The following WASHC2C variants were observed in gnomAD, a reference collection of about 807,000 sequenced individuals.
WASHC2C encodes WASH complex subunit 2C, also known as Vaccinia Penetration Factor.
Under a neutral mutation model 142.2 loss-of-function variants are expected in WASHC2C, and 73 were observed. The ratio of observed to expected loss-of-function variants is 0.51; its 90% CI spans 0.43 to 0.62. The LOEUF is 0.62. WASHC2C is among the 20% of genes least tolerant of loss of function. The probability of loss-of-function intolerance (pLI) is 0.00; values close to 1 mark genes in which losing one functional copy is unlikely to be tolerated. For missense variants in WASHC2C, 969 were observed against 1,531.7 expected, an observed-to-expected ratio of 0.63 and a Z score of 6.13; for synonymous variants, 337 against 565.5, an observed-to-expected ratio of 0.60 and a Z score of 5.73.
chr10:45,731,839 G>C (rs1448424135), intron 3 of WASHC2C, among the ~76,000 whole-genome samples: 4 of 130,944 alleles, frequency 3.1e-5, no homozygotes, highest in Non-Finnish European at 1.5e-5. Flanking sequence ...CTGTCGCCCA[G>C]GCTGGAGTGC....
chr10:45,739,176 C>G (rs1377199907), intron 4 of WASHC2C, among the ~76,000 whole-genome samples: 7 of 151,028 alleles, frequency 4.6e-5, no homozygotes, highest in African/African-American at 1.5e-4. Context: ...ACAATATTAG[C>G]TATTTAACTC....
chr10:45,789,300 C>T lies in WASHC2C; in HGVS notation c.3517C>T (p.Pro1173Ser). 6.2e-7 allele frequency: 1 copy of T among 1,612,044 alleles called. No homozygotes were observed. The highest frequency in any genetic ancestry group is 8.5e-7 in the Non-Finnish European group (1 of 1,179,858). ...VGGKAKSPMF[P>S]ALGEASSDDD... The stretch of plus-strand genomic sequence containing the variant: ...TGGTAAAGCAAAGAGCCCCATGTTT[C>T]CTGCTCTAGGCGAGGCCAGCAGTGA... Residue 1173 changes from proline (P) to serine (S), a missense_variant, in exon 29 of 31, where the codon CCT becomes TCT. Pro to Ser is a moderately conservative substitution (Grantham distance 74, BLOSUM62 -1). Coordinates refer to ENST00000623400, the MANE Select transcript of WASHC2C (RefSeq NM_001330074.2).
intron 4 of WASHC2C, among the ~76,000 whole-genome samples, chr10:45,739,317 GAAC>G (rs1262302776): frequency 1.4e-5 from 2 of 146,588 alleles, no homozygotes; most frequent in East Asian, 4.0e-4. Flanking sequence ...TTGGCCCTCA[GAAC>G]AACACTGTGT....
At chr10:45,763,677 T>C (rs1221932136) in intron 18 of WASHC2C, among the ~76,000 whole-genome samples, 188 bp downstream of exon 18, 5 of 151,828 alleles carry the variant, frequency 3.3e-5, no homozygotes, top group Admixed American at 3.3e-4. Flanking sequence ...TTCCTAGCTG[T>C]GCAATGGAGA....
At chr10:45,788,545 G>A (rs2058211524) in intron 28 of WASHC2C, among the ~76,000 whole-genome samples, 1 of 151,548 alleles carries the variant, frequency 6.6e-6, no homozygotes, top group East Asian at 1.9e-4. Flanking sequence ...GGGGTTGTGA[G>A]ACACAGAGAG....
intron 18 of WASHC2C, among the ~76,000 whole-genome samples, chr10:45,764,681 C>A (rs1418325862): frequency 6.6e-6 from 1 of 152,198 alleles, no homozygotes; most frequent in Non-Finnish European, 1.5e-5. Context: ...TATCCCAGCT[C>A]CACCACTTGC....
chr10:45,736,384 C>A (rs2051254392), intron 3 of WASHC2C, among the ~76,000 whole-genome samples: 1 of 102,988 alleles, frequency 9.7e-6, no homozygotes, highest in Non-Finnish European at 1.8e-5. Flanking sequence ...CCAGCCTTGG[C>A]AACAGAGTGA....
chr10:45,784,739 G>C (rs1554889332), intron 24 of WASHC2C, 46 bp downstream of exon 24: 1 of 1,596,930 alleles, frequency 6.3e-7, no homozygotes, highest in East Asian at 2.2e-5. Flanking sequence ...TATTGTATTG[G>C]GTGCTGTCTC....
chr10:45,758,603 C>CTTTTT (rs2054626963), intron 16 of WASHC2C, among the ~76,000 whole-genome samples: 1 of 139,488 alleles, frequency 7.2e-6, no homozygotes. Flanking sequence ...CATCATTCTT[C>CTTTTT]TTCTTTTTTT....
Position 45,755,136 on chromosome 10 carries a change from T to G in WASHC2C, c.1420+21T>G, listed in dbSNP as rs186975470. The G allele has an allele frequency of 6.3e-6, 10 of 1,586,350 alleles. No homozygotes were observed. In the East Asian group the frequency reaches 1.6e-4, roughly 25 times the overall value. Reference sequence around the variant, plus strand: ...AACACGTATGTGTTCCTGCCTCCGTTTCTAGGACTTCAGCCAGAAAAAGAA... The same window carrying G: ...AACACGTATGTGTTCCTGCCTCCGTGTCTAGGACTTCAGCCAGAAAAAGAA... On this transcript the variant is annotated intron_variant, in intron 15 of 30. Coordinates refer to ENST00000623400, the MANE Select transcript of WASHC2C (RefSeq NM_001330074.2).
chr10:45,745,876 C>T (rs1420288821), intron 7 of WASHC2C, among the ~76,000 whole-genome samples: 5 of 148,802 alleles, frequency 3.4e-5, no homozygotes, highest in Non-Finnish European at 7.4e-5. Flanking sequence ...CCCATTAACT[C>T]GTCATCTAGC....
intron 3 of WASHC2C, among the ~76,000 whole-genome samples, chr10:45,729,232 A>G (rs1165803204): frequency 6.6e-6 from 1 of 152,188 alleles, no homozygotes; most frequent in Non-Finnish European, 1.5e-5. Flanking sequence ...TCTAATGATA[A>G]AATTTTCTTA....
intron 17 of WASHC2C, among the ~76,000 whole-genome samples, chr10:45,759,798 G>A (rs1158340163): frequency 2.0e-5 from 3 of 152,130 alleles, no homozygotes; most frequent in South Asian, 4.1e-4. Context: ...CAGTCTAGGC[G>A]ACAGAGCGAG....
chr10:45,740,838 T>C (rs1454837066), intron 5 of WASHC2C, among the ~76,000 whole-genome samples: 8 of 152,264 alleles, frequency 5.3e-5, no homozygotes, highest in African/African-American at 1.9e-4. Context: ...AAGAGACAAT[T>C]GGGGTGACAC....
chr10:45,786,855 G>A (rs1200814185), intron 27 of WASHC2C, 180 bp from the exon 28 acceptor site: 2 of 1,544,192 alleles, frequency 1.3e-6, no homozygotes, highest in East Asian at 2.3e-5. Flanking sequence ...TGAGCCCAGT[G>A]GTGGGCATAG....
At chr10:45,727,770 G>T (rs2050056950) in intron 2 of WASHC2C, among the ~76,000 whole-genome samples, 1 of 152,126 alleles carries the variant, frequency 6.6e-6, no homozygotes, top group Admixed American at 6.5e-5. Context: ...TGGGGTTTCT[G>T]GCTCAGCTCC....
At position 45,733,967 on chromosome 10, in the gene WASHC2C, C is replaced by T. The variant is rs564084142; in HGVS notation, c.292-4016C>T. Among the ~76,000 whole-genome samples the T allele has an allele frequency of 4.6e-5, 7 of 152,158 alleles. 1 individual carries two copies. Among genetic ancestry groups the T allele is most frequent in the South Asian group, 4.1e-4 (2 of 4,824 alleles). On this transcript the variant is annotated intron_variant, in intron 3 of 30. Transcript: ENST00000623400. ...ACAGTAGGCCGGGTGCGGTGGCTCA[C>T]GCCTGTAGCACTTTGGGAGGCCGAG...
In WASHC2C at chr10:45,790,407, A is replaced by T. The variant is rs1181173805; in HGVS notation, c.3760A>T (p.Lys1254Ter). ...TAAACCCTCTCAGAAAACCAGAGAG[A>T]AGGAGAAAACATTGGAATCTAATTT... Reference protein sequence around the residue: ...AIKPSQKTREKEKTLESNLFD... With the variant: ...AIKPSQKTRE Residue 1254 changes from lysine to a stop codon, truncating the protein, a stop_gained, in exon 30 of 31, where the codon AAG becomes TAG. Coordinates refer to ENST00000623400, the MANE Select transcript of WASHC2C (RefSeq NM_001330074.2). LOFTEE classifies it high-confidence loss of function. 22 of 1,610,986 alleles carry T rather than the reference A, an allele frequency of 1.4e-5. No homozygotes were observed. The highest frequency in any genetic ancestry group is 1.9e-5 in the Non-Finnish European group (22 of 1,179,482).
At chr10:45,749,040 C>T (rs1459987391) in intron 8 of WASHC2C, among the ~76,000 whole-genome samples, 3 of 152,238 alleles carry the variant, frequency 2.0e-5, no homozygotes, top group Non-Finnish European at 2.9e-5. Flanking sequence ...GGATGGCTCT[C>T]TAGTCATTAC....
Sources: allele counts gnomAD v4.1 joint callset (sites outside exome capture counted in the v4.1 genomes callset), GRCh38; gene constraint gnomAD v4.1.1; transcripts MANE v1.5; gene names NCBI Gene and HGNC (gene_info 2026-07-23, HGNC 2026-07-21).